TRAPPC6A: variants seen among roughly 807,000 people sequenced by gnomAD.
TRAPPC6A encodes TRAPP complex subunit 6A.
Under a neutral mutation model 20.8 loss-of-function variants are expected in TRAPPC6A, and 25 were observed. The ratio of observed to expected loss-of-function variants is 1.20; its 90% CI spans 0.88 to 1.68. The LOEUF is 1.68. Ranked by LOEUF, TRAPPC6A falls within the 40% of genes most tolerant of loss-of-function variation. TRAPPC6A has a pLI of 0.00. For missense variants in TRAPPC6A, 215 were observed against 211.6 expected, an observed-to-expected ratio of 1.02 and a Z score of -0.10; for synonymous variants, 96 against 93.3, an observed-to-expected ratio of 1.03 and a Z score of -0.16.
At chr19:45,166,851 G>A (rs367999419) in intron 1 of TRAPPC6A, among the ~76,000 whole-genome samples, 4 of 152,084 alleles carry the variant, frequency 2.6e-5, no homozygotes, top group African/African-American at 4.8e-5. Flanking sequence ...GCAGCCATCC[G>A]AATGGGGATG....
chr19:45,165,078 C>T (rs1188146037), intron 2 of TRAPPC6A, 49 bp downstream of exon 2: 1 of 1,611,096 alleles, frequency 6.2e-7, no homozygotes, highest in Non-Finnish European at 8.5e-7. Flanking sequence ...CCGGGGCCTG[C>T]CCAGCCCTGC....
At chr19:45,174,509 G>C (rs979959386) in intron 1 of TRAPPC6A, among the ~76,000 whole-genome samples, 3 of 151,930 alleles carry the variant, frequency 2.0e-5, no homozygotes, top group African/African-American at 7.3e-5. Context: ...TGAATTAAAG[G>C]ATCATACAGA....
chr19:45,167,613 G>A (rs1308131318), intron 1 of TRAPPC6A, among the ~76,000 whole-genome samples: 2 of 152,220 alleles, frequency 1.3e-5, no homozygotes, highest in Non-Finnish European at 2.9e-5. Flanking sequence ...CTCCCCAGTA[G>A]CTGGGATTAC....
At chr19:45,164,140 A>G in intron 4 of TRAPPC6A, 24 bp downstream of exon 4, 1 of 1,581,430 alleles carries the variant, frequency 6.3e-7, no homozygotes, top group Non-Finnish European at 8.6e-7. Flanking sequence ...GGAGGTGTGG[A>G]CAAGGCCCCA....
chr19:45,176,871 A>G (rs1969389156), intron 1 of TRAPPC6A, among the ~76,000 whole-genome samples: 1 of 146,738 alleles, frequency 6.8e-6, no homozygotes, highest in South Asian at 2.1e-4. Flanking sequence ...GTATCTACTA[A>G]AAAAAAAAAA....
At chr19:45,164,281 G>A (rs774911700) in intron 3 of TRAPPC6A, 34 bp from the exon 4 acceptor site, 13 of 1,454,016 alleles carry the variant, frequency 8.9e-6, no homozygotes, top group Admixed American at 2.0e-5. Flanking sequence ...GGTGGGGTCG[G>A]GGCCTGTACA....
chr19:45,167,934 A>ACT (rs1279915233), intron 1 of TRAPPC6A, among the ~76,000 whole-genome samples: 1 of 151,070 alleles, frequency 6.6e-6, no homozygotes, highest in Non-Finnish European at 1.5e-5. Context: ...GGAGGTCGCT[A>ACT]CTGCAGTGAG....
Position 45,163,801 on chromosome 19 carries a change from A to G in TRAPPC6A, c.448+115T>C, listed in dbSNP as rs1365811700. The G allele has an allele frequency of 5.7e-6, 5 of 881,076 alleles. No individual in the cohort carries two copies. The highest frequency in any genetic ancestry group is 8.9e-6 in the Non-Finnish European group (5 of 562,302). The allele number at this position is 881,076 out of a possible 1,614,324, so 54.6% of individuals were successfully genotyped here. On this transcript the variant is annotated intron_variant, in intron 5 of 5. Transcript: ENST00000585934. The surrounding 1 kb of genome is among the most constrained non-coding windows in gnomAD (Gnocchi z 5.3). The stretch of plus-strand genomic sequence containing the variant: ...GCCTGCACCAGCCGTGTGGCTGAGC[A>G]GGTGACTTAAAACTGGGCCTGCCTC...
chr19:45,171,916 G>C (rs1452135829), intron 1 of TRAPPC6A, among the ~76,000 whole-genome samples: 2 of 152,188 alleles, frequency 1.3e-5, no homozygotes, highest in African/African-American at 4.8e-5. Context: ...TCAGACAATG[G>C]GTGACAGCGC....
Position 45,174,494 on chromosome 19 carries a change from G to A in TRAPPC6A, c.84+3641C>T, listed in dbSNP as rs141964621. Among the ~76,000 whole-genome samples the A allele has an allele frequency of 3.2e-3, 484 of 152,174 alleles. 3 individuals are homozygous for A. The highest frequency in any genetic ancestry group is 0.011 in the African/African-American group (449 of 41,496). ...AAAGTACACTCCGGCTGGGGGAGAC[G>A]CATGTGAATTAAAGGATCATACAGA... On this transcript the variant is annotated intron_variant, in intron 1 of 5. Coordinates refer to ENST00000585934, the MANE Select transcript of TRAPPC6A (RefSeq NM_001270891.2).
chr19:45,165,092 C>A, intron 2 of TRAPPC6A, 35 bp downstream of exon 2: 8 of 1,612,396 alleles, frequency 5.0e-6, no homozygotes, highest in Non-Finnish European at 6.8e-6. Context: ...GCCCTGCCAG[C>A]CAGGCTGGGG....
chr19:45,164,372 T>C, intron 3 of TRAPPC6A, 125 bp from the exon 4 acceptor site: 1 of 665,024 alleles, frequency 1.5e-6, no homozygotes, highest in Non-Finnish European at 2.6e-6. Flanking sequence ...TGAGAACCAC[T>C]GGAGTCACAG....
rs1969060930 is a variant in TRAPPC6A, at chr19:45,163,516, A to G, written c.449-293T>C. On this transcript the variant is annotated intron_variant, in intron 5 of 5. Coordinates refer to ENST00000585934, the MANE Select transcript of TRAPPC6A (RefSeq NM_001270891.2). This position sits in a 1 kb window ranked among gnomAD's most constrained non-coding sequence, Gnocchi z 5.3. ...ATGAGTGGGCCTGGGGAACCGGCAG[A>G]GGCAAAATAACTGAAGGTGGGGGAG... Among the ~76,000 whole-genome samples, 1 of 151,910 alleles carries G rather than the reference A, an allele frequency of 6.6e-6. No individual in the cohort carries two copies. Among genetic ancestry groups the G allele is most frequent in the African/African-American group, 2.4e-5 (1 of 41,372 alleles).
At position 45,163,168 on chromosome 19, in the gene TRAPPC6A, C is replaced by T. The variant is rs370349962; in HGVS notation, c.*24G>A. ...GCCGGTGAGGCCAGGGGCAGCAGTG[C>T]GGCTCAGCAGGTGCGAGGCAGGCTT... On this transcript the variant is annotated 3_prime_UTR_variant, in exon 6 of 6. Transcript: ENST00000585934. This position sits in a 1 kb window ranked among gnomAD's most constrained non-coding sequence, Gnocchi z 5.3. 23 of 1,613,494 alleles carry T rather than the reference C, an allele frequency of 1.4e-5. No individual in the cohort carries two copies. The highest frequency in any genetic ancestry group is 1.3e-4 in the South Asian group (12 of 91,062).
intron 1 of TRAPPC6A, among the ~76,000 whole-genome samples, chr19:45,175,961 A>G (rs1161847245): frequency 1.3e-5 from 2 of 152,126 alleles, no homozygotes; most frequent in African/African-American, 4.8e-5. Context: ...CAAAGCTCCA[A>G]GAGTCCAAAA....
intron 1 of TRAPPC6A, among the ~76,000 whole-genome samples, chr19:45,174,597 G>C (rs1233506424): frequency 6.6e-6 from 1 of 151,928 alleles, no homozygotes; most frequent in East Asian, 1.9e-4. Context: ...GGGAGGCTGA[G>C]GCCAGAGGAT....
At chr19:45,177,670 G>T (rs375369813) in intron 1 of TRAPPC6A, among the ~76,000 whole-genome samples, 1 of 152,188 alleles carries the variant, frequency 6.6e-6, no homozygotes, top group South Asian at 2.1e-4. Context: ...GCTTCACAAG[G>T]AAGGGATTCT....
rs1969282178 is a variant in TRAPPC6A, at chr19:45,172,229, C to T, written c.84+5906G>A. ...GACAGAGATGAAGGAGCCACCATCC[C>T]TGTCCTCAAGGAGCTCTGAAGCTGG... On this transcript the variant is annotated intron_variant, in intron 1 of 5. Transcript: ENST00000585934. This position sits in a 1 kb window ranked among gnomAD's most constrained non-coding sequence, Gnocchi z 4.2. Among the ~76,000 whole-genome samples, 2 of 151,792 alleles carry T rather than the reference C, an allele frequency of 1.3e-5. 1 individual carries two copies. The highest frequency in any genetic ancestry group is 4.1e-4 in the South Asian group (2 of 4,830).
chr19:45,174,183 C>G (rs1969318034), intron 1 of TRAPPC6A, among the ~76,000 whole-genome samples: 1 of 152,182 alleles, frequency 6.6e-6, no homozygotes, highest in Non-Finnish European at 1.5e-5. Flanking sequence ...AAGCCTCCGC[C>G]GCCTCATCTG....
Sources: gnomAD v4.1 joint callset for allele counts (sites outside exome capture counted in the v4.1 genomes callset) on GRCh38, gnomAD v4.1.1 for gene constraint, Gnocchi (gnomAD v3.1) non-coding constraint, MANE v1.5 for transcripts, NCBI Gene and HGNC (gene_info 2026-07-23, HGNC 2026-07-21) for gene names.